RBFOX1: variants seen among roughly 807,000 people sequenced by gnomAD.
RBFOX1 encodes RNA binding protein fox-1 homolog 1.
In RBFOX1, 8 loss-of-function variants were observed where a neutral mutation model predicts 57.7. The ratio of observed to expected loss-of-function variants is 0.14; its 90% CI spans 0.08 to 0.25. RBFOX1 has a LOEUF of 0.25. Among genes scored for constraint, RBFOX1 ranks in the 10% least tolerant of loss-of-function variants. RBFOX1 has a pLI of 1.00. For missense variants in RBFOX1, 611 were observed against 548.5 expected, an observed-to-expected ratio of 1.11 and a Z score of -1.14; for synonymous variants, 326 against 222.4, an observed-to-expected ratio of 1.47 and a Z score of -4.15.
chr16:6,568,084 A>G (rs2097292610), intron 2 of RBFOX1, among the ~76,000 whole-genome samples: 1 of 152,214 alleles, frequency 6.6e-6, no homozygotes, highest in Admixed American at 6.5e-5. Flanking sequence ...GGTCTTTGAC[A>G]GTGCAGCTTT....
At chr16:5,446,328 C>A (rs1045840364) in intron 1 of RBFOX1, among the ~76,000 whole-genome samples, 1 of 152,096 alleles carries the variant, frequency 6.6e-6, no homozygotes, top group South Asian at 2.1e-4. Context: ...GGAAGGTATG[C>A]ATCCTCATGG....
intron 1 of RBFOX1, among the ~76,000 whole-genome samples, chr16:5,450,765 C>A (rs2068399715): frequency 1.3e-5 from 2 of 152,134 alleles, no homozygotes; most frequent in Non-Finnish European, 2.9e-5. Flanking sequence ...TTGCTGCAGG[C>A]CCCCTTGTGA....
intron 3 of RBFOX1, among the ~76,000 whole-genome samples, chr16:6,888,289 T>G (rs948989770): frequency 6.6e-6 from 1 of 152,302 alleles, no homozygotes; most frequent in Middle Eastern, 3.4e-3. Context: ...TCTGACAGCT[T>G]AAGTCCTGCT....
chr16:6,747,220 TCA>T (rs1238320900), intron 3 of RBFOX1, among the ~76,000 whole-genome samples: 2 of 152,064 alleles, frequency 1.3e-5, no homozygotes, highest in African/African-American at 2.4e-5. Flanking sequence ...CCAGCCTGAC[TCA>T]CATGGTGAAA....
chr16:7,338,761 G>A (rs550119114), intron 4 of RBFOX1, among the ~76,000 whole-genome samples: 1 of 152,266 alleles, frequency 6.6e-6, no homozygotes, highest in African/African-American at 2.4e-5. Context: ...CATCCTTATA[G>A]AAAGATAAAG....
At chr16:7,651,764 G>A (rs2065112506) in intron 11 of RBFOX1, among the ~76,000 whole-genome samples, 1 of 152,232 alleles carries the variant, frequency 6.6e-6, no homozygotes, top group African/African-American at 2.4e-5. Flanking sequence ...TTAACTAAGA[G>A]CATTTCCTTC....
rs547607969 is a variant in RBFOX1, at chr16:5,445,949, A to G, written c.220-21267A>G. On this transcript the variant is annotated intron_variant, in intron 1 of 2. Coordinates refer to the RBFOX1 transcript ENST00000585867. ...AGTGGGAATGTGAGGAGTAAGAAGA[A>G]CATTGAGTTTGAAGAATCTTTATTG... is the stretch of plus-strand genomic sequence containing the variant. 8.2e-4 allele frequency among the ~76,000 whole-genome samples: 125 copies of G among 152,338 alleles called. 2 individuals are homozygous for G. The South Asian group carries it at 0.024, about 29-fold the overall frequency.
chr16:6,344,191 C>T (rs1195631688), intron 2 of RBFOX1, among the ~76,000 whole-genome samples: 2 of 151,984 alleles, frequency 1.3e-5, no homozygotes, highest in Admixed American at 6.6e-5. Context: ...GCTAGGATTA[C>T]AGGTGCCTGC....
intron 1 of RBFOX1, among the ~76,000 whole-genome samples, chr16:6,272,847 T>G (rs1338388736): frequency 6.6e-6 from 1 of 152,164 alleles, no homozygotes; most frequent in Non-Finnish European, 1.5e-5. Flanking sequence ...AGATAACCTT[T>G]CAACATATGG....
chr16:6,866,785 G>A (rs1314222967), intron 3 of RBFOX1, among the ~76,000 whole-genome samples: 1 of 151,778 alleles, frequency 6.6e-6, no homozygotes, highest in Non-Finnish European at 1.5e-5. Context: ...CTCGTGATCT[G>A]CCTGCCTTGG....
In RBFOX1 at chr16:6,189,420, C is replaced by T. The variant is rs140241220; in HGVS notation, c.-126-127575C>T. 5.5e-4 allele frequency among the ~76,000 whole-genome samples: 84 copies of T among 152,308 alleles called. No homozygotes were observed. The East Asian group carries it at 0.012, about 21-fold the overall frequency. ...AACTCCTCAGCTGTTAATGCAGAGT[C>T]GCTTGCTGCAACAGTGACAGAGAAC... On this transcript the variant is annotated intron_variant, in intron 1 of 15. Coordinates refer to ENST00000550418, the MANE Select transcript of RBFOX1 (RefSeq NM_018723.4).
intron 3 of RBFOX1, among the ~76,000 whole-genome samples, chr16:6,978,417 T>A (rs1169912650): frequency 3.9e-5 from 6 of 152,162 alleles, no homozygotes; most frequent in Non-Finnish European, 7.3e-5. Context: ...ACCGAACACA[T>A]GATATCTGGA....
intron 4 of RBFOX1, among the ~76,000 whole-genome samples, chr16:5,975,816 G>A (rs1014031941): frequency 1.3e-5 from 2 of 152,174 alleles, no homozygotes; most frequent in African/African-American, 2.4e-5. Context: ...GCTAGCGCTC[G>A]ACATATAGTA....
chr16:6,084,573 C>G (rs1024273373), intron 1 of RBFOX1, among the ~76,000 whole-genome samples: 2 of 152,018 alleles, frequency 1.3e-5, no homozygotes, highest in African/African-American at 4.8e-5. Flanking sequence ...AGTATTTTAG[C>G]TTTCAAAAGG....
At chr16:5,820,871 C>T (rs1394199693) in intron 3 of RBFOX1, among the ~76,000 whole-genome samples, 1 of 152,132 alleles carries the variant, frequency 6.6e-6, no homozygotes, top group African/African-American at 2.4e-5. Flanking sequence ...TTCGGGAAGT[C>T]TTCTCTCCTC....
chr16:6,087,739 G>T (rs564457556), intron 1 of RBFOX1, among the ~76,000 whole-genome samples: 3 of 151,054 alleles, frequency 2.0e-5, no homozygotes, highest in African/African-American at 7.3e-5. Context: ...TGCACCCTGT[G>T]TCTCCTGGGT....
chr16:7,120,842 C>A (rs868609499), intron 4 of RBFOX1, among the ~76,000 whole-genome samples: 3 of 149,638 alleles, frequency 2.0e-5, no homozygotes, highest in Non-Finnish European at 4.5e-5. Flanking sequence ...CACACACACA[C>A]ACACACACAC....
rs371673561 is a variant in RBFOX1, at chr16:6,887,901, A to G, written c.-15-164156A>G. Among the ~76,000 whole-genome samples the G allele has an allele frequency of 6.6e-5, 10 of 152,154 alleles. 2 individuals are homozygous for G. The highest frequency in any genetic ancestry group is 1.9e-4 in the East Asian group (1 of 5,168). On this transcript the variant is annotated intron_variant, in intron 3 of 15. Transcript: ENST00000550418. ...GGTCTCGAACTCCAGACTTCAAGTG[A>G]TCCACCCGTCATGGCCTCCCAAAGT...
At chr16:5,358,090 T>C (rs1439021312) in intron 1 of RBFOX1, among the ~76,000 whole-genome samples, 1 of 152,132 alleles carries the variant, frequency 6.6e-6, no homozygotes, top group Non-Finnish European at 1.5e-5. Context: ...TGGCTTCCAC[T>C]GGAGGGCTGT....
Sources: allele counts gnomAD v4.1 joint callset (sites outside exome capture counted in the v4.1 genomes callset), GRCh38; gene constraint gnomAD v4.1.1; transcripts MANE v1.5; gene names NCBI Gene and HGNC (gene_info 2026-07-23, HGNC 2026-07-21).